The following PDZRN4 variants were observed in gnomAD, a reference collection of about 807,000 sequenced individuals.
PDZRN4 encodes PDZ domain-containing RING finger protein 4.
A neutral mutation model predicts 99.0 loss-of-function variants in PDZRN4; 70 were observed. The ratio of observed to expected loss-of-function variants is 0.71; its 90% CI spans 0.58 to 0.86. The LOEUF is 0.86. Ranked by LOEUF, PDZRN4 falls within the 40% of genes least tolerant of loss-of-function variation. PDZRN4 has a pLI of 0.00. For missense variants in PDZRN4, 1,474 were observed against 1,331.2 expected, an observed-to-expected ratio of 1.11 and a Z score of -1.67; for synonymous variants, 551 against 501.6, an observed-to-expected ratio of 1.10 and a Z score of -1.32.
chr12:41,288,284 G>A (rs985037392), intron 3 of PDZRN4, among the ~76,000 whole-genome samples: 1 of 152,120 alleles, frequency 6.6e-6, no homozygotes, highest in Non-Finnish European at 1.5e-5. Context: ...TAGTATGTCA[G>A]TAGGCCCTGG....
At chr12:41,353,289 TTC>T (rs1339292944) in intron 3 of PDZRN4, among the ~76,000 whole-genome samples, 1 of 152,106 alleles carries the variant, frequency 6.6e-6, no homozygotes, top group East Asian at 1.9e-4. Flanking sequence ...CCCATTCACT[TTC>T]TCTCTCTCTT....
intron 5 of PDZRN4, among the ~76,000 whole-genome samples, chr12:41,533,206 G>T (rs995101807): frequency 6.8e-6 from 1 of 147,542 alleles, no homozygotes; most frequent in African/African-American, 2.5e-5. Flanking sequence ...ATGGAGTCTC[G>T]CTCTGTCCCC....
intron 2 of PDZRN4, among the ~76,000 whole-genome samples, chr12:41,192,166 C>T (rs73117077): frequency 1.8e-4 from 27 of 152,038 alleles, no homozygotes; most frequent in Non-Finnish European, 2.8e-4. Flanking sequence ...AGTGCAGTAG[C>T]GTGATCTCAG....
intron 3 of PDZRN4, among the ~76,000 whole-genome samples, chr12:41,279,828 G>A (rs905515364): frequency 6.6e-6 from 1 of 152,148 alleles, no homozygotes; most frequent in Admixed American, 6.5e-5. Context: ...CACCTGCAAG[G>A]CATATAAGAA....
chr12:41,227,843 A>G (rs998323976), intron 3 of PDZRN4, among the ~76,000 whole-genome samples: 2 of 151,032 alleles, frequency 1.3e-5, no homozygotes, highest in Non-Finnish European at 2.9e-5. Context: ...AAGGAAAAGC[A>G]AAAGTCGTGT....
intron 3 of PDZRN4, among the ~76,000 whole-genome samples, chr12:41,362,559 A>G (rs10785257): frequency 0.84 from 127,372 of 152,000 alleles, 54,643 homozygotes; most frequent in Middle Eastern, 0.95. Context: ...TCTTTCACAG[A>G]GTAGCCTAAT....
chr12:41,234,800 G>A (rs766177282), intron 3 of PDZRN4, among the ~76,000 whole-genome samples: 20 of 152,076 alleles, frequency 1.3e-4, no homozygotes, highest in Non-Finnish European at 2.1e-4. Flanking sequence ...AATTGGAGAT[G>A]GTTACTTAAC....
intron 3 of PDZRN4, among the ~76,000 whole-genome samples, chr12:41,348,430 T>C (rs1478557973): frequency 1.3e-5 from 2 of 152,122 alleles, no homozygotes; most frequent in South Asian, 2.1e-4. Context: ...TGCTATGCCT[T>C]AGGTTGAATT....
chr12:41,200,370 G>C (rs1294156800), intron 3 of PDZRN4, among the ~76,000 whole-genome samples: 3 of 152,102 alleles, frequency 2.0e-5, no homozygotes, highest in African/African-American at 7.2e-5. Context: ...CCACATCACT[G>C]AGACTTTATT....
intron 6 of PDZRN4, 111 bp from the exon 7 acceptor site, chr12:41,555,587 C>T: frequency 1.3e-6 from 1 of 796,574 alleles, no homozygotes; most frequent in East Asian, 2.6e-5. Flanking sequence ...TGTCACAAAT[C>T]AACAGAGAAT....
At chr12:41,522,920 C>T (rs1201561936) in intron 5 of PDZRN4, among the ~76,000 whole-genome samples, 1 of 152,000 alleles carries the variant, frequency 6.6e-6, no homozygotes, top group Non-Finnish European at 1.5e-5. Flanking sequence ...TTCACTCTTC[C>T]CTATAAATAA....
chr12:41,401,543 C>T (rs1208033436), intron 3 of PDZRN4, among the ~76,000 whole-genome samples: 1 of 152,102 alleles, frequency 6.6e-6, no homozygotes, highest in African/African-American at 2.4e-5. Context: ...CCTCGCTTGC[C>T]TCAACCTTTT....
chr12:41,202,208 C>T (rs1950821308), intron 3 of PDZRN4, among the ~76,000 whole-genome samples: 1 of 152,202 alleles, frequency 6.6e-6, no homozygotes, highest in Admixed American at 6.5e-5. Flanking sequence ...TCTTTGAAGT[C>T]CTCTTGGGGA....
At chr12:41,415,209 G>C (rs905458127) in intron 3 of PDZRN4, among the ~76,000 whole-genome samples, 2 of 151,802 alleles carry the variant, frequency 1.3e-5, no homozygotes, top group Admixed American at 1.3e-4. Flanking sequence ...TGTGCTGTTC[G>C]GTTAAGAGAT....
At chr12:41,246,074 CT>C (rs149186737) in intron 3 of PDZRN4, among the ~76,000 whole-genome samples, 12,154 of 152,132 alleles carry the variant, frequency 0.08, 700 homozygotes, top group African/African-American at 0.16. Context: ...GATTGAGGAG[CT>C]TTGGGTAGAC....
chr12:41,229,931 T>G (rs1375050992), intron 3 of PDZRN4, among the ~76,000 whole-genome samples: 1 of 152,046 alleles, frequency 6.6e-6, no homozygotes, highest in Non-Finnish European at 1.5e-5. Context: ...ATAAAGTTGG[T>G]GGACTTAGTG....
chr12:41,422,053 G>A (rs1952494798), intron 3 of PDZRN4, among the ~76,000 whole-genome samples: 1 of 152,092 alleles, frequency 6.6e-6, no homozygotes, highest in Non-Finnish European at 1.5e-5. Context: ...TTAATGGATT[G>A]TTTTTAATTA....
rs11181000 is a variant in PDZRN4 at position 41,554,098 on chromosome 12, C to T, written c.1302+1344C>T. ...GGAAAAATCTCCAGATAATATTCAA[C>T]TTATGTACTTCTTTTAAATATGCAA... On this transcript the variant is annotated intron_variant, in intron 6 of 9. Coordinates refer to ENST00000402685, the MANE Select transcript of PDZRN4 (RefSeq NM_001164595.2). Among the ~76,000 whole-genome samples the T allele has an allele frequency of 7.6e-3, 1,151 of 152,268 alleles. 52 individuals are homozygous for T. The East Asian group carries it at 0.13, about 18-fold the overall frequency.
chr12:41,283,761 C>T (rs1253450246), intron 3 of PDZRN4, among the ~76,000 whole-genome samples: 1 of 152,052 alleles, frequency 6.6e-6, no homozygotes, highest in Admixed American at 6.5e-5. Flanking sequence ...ACAAAAATCA[C>T]GTGATTATTT....
Sources: gnomAD v4.1 joint callset for allele counts (sites outside exome capture counted in the v4.1 genomes callset) on GRCh38, gnomAD v4.1.1 for gene constraint, MANE v1.5 for transcripts, NCBI Gene and HGNC (gene_info 2026-07-23, HGNC 2026-07-21) for gene names.